ACADSB: variants seen among roughly 807,000 people sequenced by gnomAD.
The protein encoded by ACADSB is short/branched chain specific acyl-CoA dehydrogenase, mitochondrial.
Under a neutral mutation model 54.1 loss-of-function variants are expected in ACADSB, and 40 were observed. The ratio of observed to expected loss-of-function variants is 0.74; its 90% confidence interval spans 0.57 to 0.96. The LOEUF (loss-of-function observed/expected upper bound fraction) is 0.96, where lower values mean the gene tolerates loss of function less well. Among genes scored for constraint, ACADSB ranks in the 40% least tolerant of loss-of-function variants. The pLI is 0.00. For synonymous variants in ACADSB, 182 were observed against 182.8 expected (o/e 1.00, Z 0.03); for missense variants, 530 against 510.4 (o/e 1.04, Z -0.37).
chr10:123,043,429 T>C (rs951758576), intron 6 of ACADSB, among the ~76,000 whole-genome samples: 4 of 152,272 alleles, frequency 2.6e-5, no homozygotes, highest in Non-Finnish European at 1.5e-5. Flanking sequence ...TTATAACTTA[T>C]GTGCTTCTGA....
chr10:123,034,924 G>A (rs1197533918), intron 2 of ACADSB, among the ~76,000 whole-genome samples: 1 of 151,178 alleles, frequency 6.6e-6, no homozygotes, highest in Non-Finnish European at 1.5e-5. Flanking sequence ...TAGATAGTGG[G>A]TTTTCTTTTT....
Position 123,053,097 on chromosome 10 carries a change from A to G in ACADSB, c.1165A>G (p.Met389Val), listed in dbSNP as rs201877440. ...GQTTSKCIEWMGGVGYTKDYP... is the reference protein window; with the variant it reads ...GQTTSKCIEWVGGVGYTKDYP... ...AACAACGAGTAAATGTATCGAGTGG[A>G]TGGGGGGAGTAGGCTACACCAAAGA... Residue 389 changes from methionine to valine, a missense_variant, in exon 10 of 11, where the codon ATG becomes GTG. By Grantham distance (21) the Met-to-Val change is conservative. Coordinates refer to ENST00000358776, the MANE Select transcript of ACADSB (RefSeq NM_001609.4). 3.8e-5 allele frequency: 62 copies of G among 1,613,990 alleles called. No homozygotes were observed. Among genetic ancestry groups the G allele is most frequent in the East Asian group, 3.3e-4 (15 of 44,860 alleles).
intron 10 of ACADSB, among the ~76,000 whole-genome samples, 170 bp downstream of exon 10, chr10:123,053,330 A>G (rs1850658276): frequency 6.6e-6 from 1 of 152,002 alleles, no homozygotes; most frequent in South Asian, 2.1e-4. Flanking sequence ...TCGTCCTTCA[A>G]AAAAAATTGT....
intron 1 of ACADSB, among the ~76,000 whole-genome samples, chr10:123,020,530 GGCTAAAGCTGCTGTGGACA>G (rs1850170736): frequency 6.6e-6 from 1 of 152,180 alleles, no homozygotes; most frequent in African/African-American, 2.4e-5. Flanking sequence ...TTACTACTGT[GGCTAAAGCTGCTGTGGACA>G]TTTGTGTGCA....
Position 123,052,899 on chromosome 10 carries a change from TATGGAGA to T in ACADSB, c.1129-157_1129-151del. The T allele has an allele frequency of 1.5e-6, 1 of 680,618 alleles. No individual in the cohort carries two copies. The highest frequency in any genetic ancestry group is 2.7e-6 in the Non-Finnish European group (1 of 371,202). The allele number at this position is 680,618 out of a possible 1,614,324, so 42.2% of individuals were successfully genotyped here. On this transcript the variant is annotated intron_variant, in intron 9 of 10. Transcript: ENST00000358776. This position sits in a 1 kb window ranked among gnomAD's most constrained non-coding sequence, Gnocchi z 4.2. ...TTAATAGGATGTTTTACAGAAATGG[TATGGAGA>T]ATGGGACTGAAGAGACAATGCTAGT...
At chr10:123,050,278 C>T (rs1328208128) in intron 8 of ACADSB, among the ~76,000 whole-genome samples, 1 of 152,188 alleles carries the variant, frequency 6.6e-6, no homozygotes, top group African/African-American at 2.4e-5. Context: ...TCCTGCTGGA[C>T]TATGTATTAT....
chr10:123,043,216 C>T (rs1371665320), intron 6 of ACADSB, 45 bp downstream of exon 6: 2 of 1,609,492 alleles, frequency 1.2e-6, no homozygotes, highest in African/African-American at 1.3e-5. Flanking sequence ...GCGAAATAAG[C>T]CTTGCATGGA....
intron 1 of ACADSB, among the ~76,000 whole-genome samples, chr10:123,020,017 C>A (rs934753883): frequency 2.6e-5 from 4 of 152,048 alleles, no homozygotes; most frequent in African/African-American, 9.7e-5. Flanking sequence ...TTTTCATCCA[C>A]CCTCTTAGGT....
chr10:123,034,253 T>C (rs929459947), intron 1 of ACADSB, 103 bp from the exon 2 acceptor site: 1 of 1,278,374 alleles, frequency 7.8e-7, no homozygotes, highest in African/African-American at 1.5e-5. Flanking sequence ...TAGGTTAAGT[T>C]TCCTTATTTT....
rs1388631572 is a variant in ACADSB, at chr10:123,054,719, T to C, written c.*954T>C. On this transcript the variant is annotated 3_prime_UTR_variant, in exon 11 of 11. Coordinates refer to ENST00000358776, the MANE Select transcript of ACADSB (RefSeq NM_001609.4). ...AAGATACATTTTATGGTGGTTTCAG[T>C]AGGTCATTTTAAAAACCAATGTGCA... The C allele has an allele frequency of 6.6e-6, 1 of 152,188 alleles. No homozygotes were observed. Among genetic ancestry groups the C allele is most frequent in the Admixed American group, 6.5e-5 (1 of 15,278 alleles). The allele number at this position is 152,188 out of a possible 1,614,324, so 9.4% of individuals were successfully genotyped here. A position where few individuals can be genotyped will look rare whatever the true frequency, so the allele number is the denominator to read the frequency against.
At chr10:123,053,614 A>C in intron 10 of ACADSB, 81 bp from the exon 11 acceptor site, 1 of 1,181,106 alleles carries the variant, frequency 8.5e-7, no homozygotes, top group African/African-American at 1.5e-5. Context: ...TAGCAAGCGC[A>C]GAGGTGATGT....
At chr10:123,019,087 G>A (rs1163014093) in intron 1 of ACADSB, among the ~76,000 whole-genome samples, 1 of 152,214 alleles carries the variant, frequency 6.6e-6, no homozygotes, top group Admixed American at 6.5e-5. Context: ...ATCAATTCCT[G>A]TAATTTTAAA....
At chr10:123,026,892 A>G (rs961276398) in intron 1 of ACADSB, among the ~76,000 whole-genome samples, 2 of 152,128 alleles carry the variant, frequency 1.3e-5, no homozygotes, top group African/African-American at 2.4e-5. Flanking sequence ...CAGGTTGCCT[A>G]TGGGAGAGGT....
rs760045125 is a variant in ACADSB at position 123,043,184 on chromosome 10, G to A, written c.807+13G>A. On this transcript the variant is annotated intron_variant, in intron 6 of 10. Transcript: ENST00000358776. The stretch of plus-strand genomic sequence containing the variant: ...CGAAAATGTCAAGGTGGGTATCGTA[G>A]ACTAATCAGTAAAAGACTGATGCGA... 2 of 1,613,238 alleles carry A rather than the reference G, an allele frequency of 1.2e-6. No homozygotes were observed. The highest frequency in any genetic ancestry group is 1.7e-6 in the Non-Finnish European group (2 of 1,179,434).
In ACADSB at chr10:123,056,106, T is replaced by C; in HGVS notation, c.*2341T>C. 1.3e-5 allele frequency: 2 copies of C among 157,662 alleles called. No homozygotes were observed. The highest frequency in any genetic ancestry group is 1.4e-5 in the Non-Finnish European group (1 of 72,316). The allele number at this position is 157,662 out of a possible 1,614,324, so 9.8% of individuals were successfully genotyped here. A position where few individuals can be genotyped will look rare whatever the true frequency, so the allele number is the denominator to read the frequency against. On this transcript the variant is annotated 3_prime_UTR_variant, in exon 11 of 11. Coordinates refer to ENST00000358776, the MANE Select transcript of ACADSB (RefSeq NM_001609.4). ...TCAAACTGTTCCAACCTCTGCCTGT[T>C]ACCCAGTTCCAAACTTGCTTTCATA...
In ACADSB at chr10:123,045,154, TATATATATATATA is replaced by T. The variant is rs1479550293; in HGVS notation, c.900+670_900+682del. Among the ~76,000 whole-genome samples the T allele has an allele frequency of 3.9e-3, 50 of 12,766 alleles. 1 individual carries two copies. Among genetic ancestry groups the T allele is most frequent in the African/African-American group, 9.4e-3 (31 of 3,286 alleles). The allele number at this position is 12,766 out of a possible 152,430, so 8.4% of individuals were successfully genotyped here. ...GTGTATATATATATATATATATATA[TATATATATATATA>T]TATATTTTTTTTTTTTTTTTTTTTT... On this transcript the variant is annotated intron_variant, in intron 7 of 10. Transcript: ENST00000358776.
chr10:123,018,878 C>T (rs1850141721), intron 1 of ACADSB, among the ~76,000 whole-genome samples: 1 of 152,150 alleles, frequency 6.6e-6, no homozygotes, highest in Admixed American at 6.5e-5. Flanking sequence ...ATTCAGTTAC[C>T]TCCCACTGGG....
rs746617415 is a variant in ACADSB at position 123,044,499 on chromosome 10, A to T, written c.900+14A>T. On this transcript the variant is annotated intron_variant, in intron 7 of 10. Coordinates refer to ENST00000358776, the MANE Select transcript of ACADSB (RefSeq NM_001609.4). The stretch of plus-strand genomic sequence containing the variant: ...ATTGCTGCACAGGTAAGTCAGATTT[A>T]AACTCTTCCATGATGTGAGTCAATT... 6.3e-7 allele frequency: 1 copy of T among 1,585,956 alleles called. No individual in the cohort carries two copies. Among genetic ancestry groups the T allele is most frequent in the African/African-American group, 1.3e-5 (1 of 74,308 alleles).
At chr10:123,025,396 C>A (rs1054814861) in intron 1 of ACADSB, among the ~76,000 whole-genome samples, 2 of 152,014 alleles carry the variant, frequency 1.3e-5, no homozygotes, top group Non-Finnish European at 2.9e-5. Flanking sequence ...TCCGGGAGGT[C>A]AAGACTGCAG....
Sources: gnomAD v4.1 joint callset for allele counts (sites outside exome capture counted in the v4.1 genomes callset) on GRCh38, gnomAD v4.1.1 for gene constraint, Gnocchi (gnomAD v3.1) non-coding constraint, MANE v1.5 for transcripts, NCBI Gene and HGNC (gene_info 2026-07-23, HGNC 2026-07-21) for gene names.